CLYBL: variants seen among roughly 807,000 people sequenced by gnomAD.
The protein encoded by CLYBL is citramalyl-CoA lyase, mitochondrial.
CLYBL carries 31 observed loss-of-function variants against 38.9 expected under a neutral mutation model. The ratio of observed to expected loss-of-function variants is 0.80; its 90% CI spans 0.60 to 1.08. The LOEUF (loss-of-function observed/expected upper bound fraction) is 1.08, where lower values mean the gene tolerates loss of function less well. CLYBL is among the 50% of genes least tolerant of loss of function. The probability of loss-of-function intolerance (pLI) is 0.00; values close to 1 mark genes in which losing one functional copy is unlikely to be tolerated. For missense variants in CLYBL, 434 were observed against 411.6 expected, an observed-to-expected ratio of 1.05 and a Z score of -0.47; for synonymous variants, 171 against 158.6, an observed-to-expected ratio of 1.08 and a Z score of -0.59.
At chr13:99,853,869 A>G (rs2051391568) in intron 2 of CLYBL, among the ~76,000 whole-genome samples, 1 of 152,208 alleles carries the variant, frequency 6.6e-6, no homozygotes, top group Non-Finnish European at 1.5e-5. Context: ...TGATCTTGAC[A>G]TTTTCAATAA....
chr13:99,703,571 G>A (rs368544062), intron 1 of CLYBL, among the ~76,000 whole-genome samples: 7 of 152,000 alleles, frequency 4.6e-5, no homozygotes, highest in African/African-American at 1.7e-4. Context: ...GTATTTCACC[G>A]TGTTAGCCAG....
chr13:99,708,949 C>T (rs1438219165), intron 1 of CLYBL, among the ~76,000 whole-genome samples: 2 of 151,882 alleles, frequency 1.3e-5, no homozygotes, highest in Admixed American at 6.6e-5. Flanking sequence ...AAAAATTAGC[C>T]GGGCGTGGTG....
chr13:99,851,511 C>G (rs1042052212), intron 2 of CLYBL, among the ~76,000 whole-genome samples: 2 of 151,380 alleles, frequency 1.3e-5, no homozygotes, highest in Non-Finnish European at 1.5e-5. Flanking sequence ...CATTTTTTAA[C>G]GGGCTAAGGA....
At chr13:99,739,143 T>A (rs879904465) in intron 1 of CLYBL, among the ~76,000 whole-genome samples, 5 of 152,230 alleles carry the variant, frequency 3.3e-5, no homozygotes, top group Non-Finnish European at 7.3e-5. Context: ...AATAGTCATC[T>A]AATAATGGTG....
At chr13:99,903,841 T>C (rs9585263) in intron 8 of CLYBL, among the ~76,000 whole-genome samples, 23,644 of 152,064 alleles carry the variant, frequency 0.16, 2,157 homozygotes, top group African/African-American at 0.24. Context: ...TAAATTACAG[T>C]CTGAGCAGCA....
intron 1 of CLYBL, among the ~76,000 whole-genome samples, chr13:99,634,354 A>G (rs1452589941): frequency 1.3e-5 from 2 of 152,236 alleles, no homozygotes; most frequent in African/African-American, 4.8e-5. Context: ...TGCTAAAGGA[A>G]TTTCTTTAGG....
At chr13:99,855,737 G>T (rs2051444785) in intron 2 of CLYBL, among the ~76,000 whole-genome samples, 1 of 152,222 alleles carries the variant, frequency 6.6e-6, no homozygotes. Flanking sequence ...CAGATGGCAT[G>T]GGCGTGTTTG....
chr13:99,843,602 A>ATTTT (rs1196539167), intron 2 of CLYBL, among the ~76,000 whole-genome samples: 1,004 of 73,592 alleles, frequency 0.014, 15 homozygotes, highest in African/African-American at 0.044. Context: ...GGAAAAATTA[A>ATTTT]TCTTTTTTTT....
chr13:99,722,957 G>A (rs1339384039), intron 1 of CLYBL, among the ~76,000 whole-genome samples: 1 of 152,220 alleles, frequency 6.6e-6, no homozygotes, highest in Non-Finnish European at 1.5e-5. Flanking sequence ...TATAGCCGCA[G>A]GCTCTTGTTT....
At chr13:99,651,439 G>A (rs149826614) in intron 1 of CLYBL, among the ~76,000 whole-genome samples, 6,669 of 152,216 alleles carry the variant, frequency 0.044, 369 homozygotes, top group African/African-American at 0.14. Context: ...GCGTAGTGGC[G>A]CATGCCTGTA....
At chr13:99,650,672 A>G (rs1594101807) in intron 1 of CLYBL, among the ~76,000 whole-genome samples, 1 of 152,078 alleles carries the variant, frequency 6.6e-6, no homozygotes, top group South Asian at 2.1e-4. Flanking sequence ...TGTAGCTGAA[A>G]TCCTTGGAGT....
intron 1 of CLYBL, among the ~76,000 whole-genome samples, chr13:99,738,477 A>G (rs2048701126): frequency 6.6e-6 from 1 of 152,188 alleles, no homozygotes; most frequent in South Asian, 2.1e-4. Context: ...ATTTCCCCAG[A>G]TGATGACTTG....
intron 8 of CLYBL, among the ~76,000 whole-genome samples, chr13:99,902,933 T>C (rs2052657592): frequency 6.6e-6 from 1 of 152,244 alleles, no homozygotes; most frequent in Admixed American, 6.5e-5. Flanking sequence ...AATAAATATC[T>C]TTTAGGATCG....
At chr13:99,798,522 T>C (rs751214618) in intron 2 of CLYBL, among the ~76,000 whole-genome samples, 57 of 152,256 alleles carry the variant, frequency 3.7e-4, no homozygotes, top group Non-Finnish European at 6.2e-4. Flanking sequence ...GCTCCCTCTG[T>C]AATTATTTTC....
chr13:99,807,170 A>C (rs1566335022), intron 2 of CLYBL, among the ~76,000 whole-genome samples: 1 of 152,184 alleles, frequency 6.6e-6, no homozygotes, highest in Non-Finnish European at 1.5e-5. Flanking sequence ...GCAGCTGCAA[A>C]CCACAACCCA....
At chr13:99,852,940 C>T (rs2051367266) in intron 2 of CLYBL, among the ~76,000 whole-genome samples, 1 of 152,220 alleles carries the variant, frequency 6.6e-6, no homozygotes, top group East Asian at 1.9e-4. Context: ...TTGCAGACAG[C>T]AGTACACTTC....
intron 2 of CLYBL, among the ~76,000 whole-genome samples, chr13:99,790,136 C>T: frequency 6.6e-6 from 1 of 152,038 alleles, no homozygotes; most frequent in Non-Finnish European, 1.5e-5. Flanking sequence ...ACTGATGGGT[C>T]TTGACTCTTT....
chr13:99,714,775 G>A (rs1236164366), intron 1 of CLYBL, among the ~76,000 whole-genome samples: 1 of 151,562 alleles, frequency 6.6e-6, no homozygotes, highest in African/African-American at 2.4e-5. Context: ...TGGTGAAACC[G>A]CGTCTCTACT....
At chr13:99,809,916 G>A (rs2050307959) in intron 2 of CLYBL, among the ~76,000 whole-genome samples, 1 of 152,188 alleles carries the variant, frequency 6.6e-6, no homozygotes, top group African/African-American at 2.4e-5. Context: ...TGTCCCCAGG[G>A]AATGGGGACA....
Sources: gnomAD v4.1 joint callset for allele counts (sites outside exome capture counted in the v4.1 genomes callset) on GRCh38, gnomAD v4.1.1 for gene constraint, MANE v1.5 for transcripts, NCBI Gene and HGNC (gene_info 2026-07-23, HGNC 2026-07-21) for gene names.